MGST1: variants seen among roughly 807,000 people sequenced by gnomAD.
The protein encoded by MGST1 is microsomal glutathione S-transferase 1, also known as glutathione S-transferase 12.
In MGST1, 5 loss-of-function variants were observed where a neutral mutation model predicts 8.9. That is an observed-to-expected ratio of 0.56 (90% CI 0.29 to 1.19). The LOEUF (loss-of-function observed/expected upper bound fraction) is 1.19. Among genes scored for constraint, MGST1 ranks in the 50% most tolerant of loss-of-function variants. MGST1 has a pLI of 0.08. For synonymous variants in MGST1, 54 were observed against 67.8 expected, an observed-to-expected ratio of 0.80 and a Z score of 1.00; for missense variants, 182 against 187.4, an observed-to-expected ratio of 0.97 and a Z score of 0.17.
intron 4 of MGST1, among the ~76,000 whole-genome samples, chr12:16,456,519 T>C (rs1941173887): frequency 6.6e-6 from 1 of 151,978 alleles, no homozygotes; most frequent in Admixed American, 6.6e-5. Context: ...ACTCATGGAC[T>C]GAATTAAAAG....
At chr12:16,375,400 G>A (rs1940362027) in intron 3 of MGST1, among the ~76,000 whole-genome samples, 3 of 152,002 alleles carry the variant, frequency 2.0e-5, no homozygotes, top group Admixed American at 6.6e-5. Flanking sequence ...AAAGTAAAAA[G>A]AAACAAAGAA....
At chr12:16,453,490 A>G (rs1290597767) in intron 4 of MGST1, among the ~76,000 whole-genome samples, 3 of 151,964 alleles carry the variant, frequency 2.0e-5, no homozygotes, top group Middle Eastern at 3.2e-3. Context: ...ATATCTACAT[A>G]CATTTATATA....
Position 16,560,786 on chromosome 12 carries a change from G to A in MGST1, n.483-28742G>A, listed in dbSNP as rs183333370. 7.8e-5 allele frequency: 40 copies of A among 514,962 alleles called. No homozygotes were observed. The highest frequency in any genetic ancestry group is 3.1e-4 in the Middle Eastern group (1 of 3,180). 31.9% of individuals were successfully genotyped at this position (514,962 alleles called of 1,614,324 possible). On this transcript the variant is annotated intron_variant and non_coding_transcript_variant, in intron 4 of 4. Transcript: ENST00000538857. This position sits in a 1 kb window ranked among gnomAD's most constrained non-coding sequence, Gnocchi z 5.0. ...AAGACAAATACATTAGGAAGCTTAC[G>A]TAACTGCACATAAACAGAAGTCAAT...
At chr12:16,588,002 T>C (rs1009121535) in intron 4 of MGST1, among the ~76,000 whole-genome samples, 2 of 152,158 alleles carry the variant, frequency 1.3e-5, no homozygotes, top group African/African-American at 4.8e-5. Context: ...TACCCTGTCT[T>C]TCTCTTACGA....
chr12:16,491,305 A>C (rs1187443159), intron 4 of MGST1, among the ~76,000 whole-genome samples: 1 of 152,200 alleles, frequency 6.6e-6, no homozygotes, highest in Non-Finnish European at 1.5e-5. Context: ...GGGAGCTGGA[A>C]ATAAATGATC....
chr12:16,443,564 T>A (rs566334772), downstream of MGST1, among the ~76,000 whole-genome samples: 18 of 151,890 alleles, frequency 1.2e-4, no homozygotes, highest in Non-Finnish European at 8.8e-5. Flanking sequence ...ACAGTATACA[T>A]TAAATTAGTA....
rs1941518647 is a variant in MGST1, at chr12:16,503,472, C to G, written n.483-86056C>G. On this transcript the variant is annotated intron_variant and non_coding_transcript_variant, in intron 4 of 4. Coordinates refer to the MGST1 transcript ENST00000538857. The surrounding 1 kb of genome is among the most constrained non-coding windows in gnomAD (Gnocchi z 4.8). The stretch of plus-strand genomic sequence containing the variant: ...ACAAAGAAGACAGTCATTCTGTTGT[C>G]TTTCTTTCCCTTTAACTGCCTTTGT... Among the ~76,000 whole-genome samples the G allele has an allele frequency of 6.6e-6, 1 of 152,160 alleles. No individual in the cohort carries two copies. The highest frequency in any genetic ancestry group is 2.4e-5 in the African/African-American group (1 of 41,450).
chr12:16,379,817 A>G (rs918022693), downstream of MGST1, among the ~76,000 whole-genome samples: 3 of 152,166 alleles, frequency 2.0e-5, no homozygotes, highest in African/African-American at 7.2e-5. Flanking sequence ...TATTGCCTCA[A>G]TTTCAGAGCC....
chr12:16,487,286 C>A (rs1305943301), intron 4 of MGST1, among the ~76,000 whole-genome samples: 5 of 152,090 alleles, frequency 3.3e-5, no homozygotes, highest in Admixed American at 1.3e-4. Context: ...AAAAAACCAA[C>A]ACCAACACCA....
chr12:16,444,286 A>G (rs796559153), intron 4 of MGST1, among the ~76,000 whole-genome samples: 4 of 151,574 alleles, frequency 2.6e-5, no homozygotes, highest in African/African-American at 9.7e-5. Flanking sequence ...ACTTTATACA[A>G]AATCTTATAT....
rs1565480965 is a variant in MGST1 at position 16,555,965 on chromosome 12, A to G, written n.483-33563A>G. Among the ~76,000 whole-genome samples, 1 of 152,214 alleles carries G rather than the reference A, an allele frequency of 6.6e-6. No homozygotes were observed. Among genetic ancestry groups the G allele is most frequent in the East Asian group, 1.9e-4 (1 of 5,172 alleles). On this transcript the variant is annotated intron_variant and non_coding_transcript_variant, in intron 4 of 4. Transcript: ENST00000538857. The surrounding 1 kb of genome is among the most constrained non-coding windows in gnomAD (Gnocchi z 5.5). Reference sequence around the variant, plus strand: ...AAGGATGGCTCTCTCTTCCCTCAGTATAGCTCTATTTAGCATCGATTACAC... The same window carrying G: ...AAGGATGGCTCTCTCTTCCCTCAGTGTAGCTCTATTTAGCATCGATTACAC...
chr12:16,473,860 G>A (rs1941303820), intron 4 of MGST1, among the ~76,000 whole-genome samples: 1 of 152,024 alleles, frequency 6.6e-6, no homozygotes, highest in African/African-American at 2.4e-5. Flanking sequence ...CAGACTGGGT[G>A]ACAGAGCAAG....
rs980217682 is a variant in MGST1 at position 16,547,208 on chromosome 12, G to T, written n.483-42320G>T. Among the ~76,000 whole-genome samples the T allele has an allele frequency of 6.6e-6, 1 of 152,066 alleles. No homozygotes were observed. The highest frequency in any genetic ancestry group is 2.4e-5 in the African/African-American group (1 of 41,384). On this transcript the variant is annotated intron_variant and non_coding_transcript_variant, in intron 4 of 4. Coordinates refer to the MGST1 transcript ENST00000538857. The surrounding 1 kb of genome is among the most constrained non-coding windows in gnomAD (Gnocchi z 4.6). ...ATCACACAATTACCTACAGGCATGT[G>T]TTAAACTTGACACTGGTTTCAGCCA...
At chr12:16,518,198 A>T (rs11056973) in intron 4 of MGST1, among the ~76,000 whole-genome samples, 1 of 152,130 alleles carries the variant, frequency 6.6e-6, no homozygotes, top group Non-Finnish European at 1.5e-5. Context: ...CAACTCTGCT[A>T]TTCAGTGACA....
At chr12:16,563,563 C>A (rs1405283417) in intron 4 of MGST1, among the ~76,000 whole-genome samples, 2 of 152,024 alleles carry the variant, frequency 1.3e-5, no homozygotes. Context: ...ATTTTGAGTA[C>A]TCATAATCCT....
intron 4 of MGST1, among the ~76,000 whole-genome samples, chr12:16,531,634 A>G (rs1941724424): frequency 6.6e-6 from 1 of 152,140 alleles, no homozygotes; most frequent in Admixed American, 6.5e-5. Context: ...GAACTACTAA[A>G]TGAAACAAAA....
intron 4 of MGST1, among the ~76,000 whole-genome samples, chr12:16,498,664 C>A (rs1001388979): frequency 6.6e-6 from 1 of 152,138 alleles, no homozygotes; most frequent in Non-Finnish European, 1.5e-5. Flanking sequence ...CCTTGAAGAA[C>A]AAACATGCCA....
intron 4 of MGST1, among the ~76,000 whole-genome samples, chr12:16,524,446 G>A (rs1371059887): frequency 6.6e-6 from 1 of 151,948 alleles, no homozygotes; most frequent in Non-Finnish European, 1.5e-5. Flanking sequence ...GAGGTTCAAG[G>A]AAAATATTGA....
At chr12:16,475,794 G>T (rs1941318826) in intron 4 of MGST1, among the ~76,000 whole-genome samples, 1 of 152,056 alleles carries the variant, frequency 6.6e-6, no homozygotes, top group South Asian at 2.1e-4. Context: ...TTCCCAGGTG[G>T]CTGATGAATT....
Sources: gnomAD v4.1 joint callset for allele counts (sites outside exome capture counted in the v4.1 genomes callset) on GRCh38, gnomAD v4.1.1 for gene constraint, Gnocchi (gnomAD v3.1) non-coding constraint, MANE v1.5 for transcripts, NCBI Gene and HGNC (gene_info 2026-07-23, HGNC 2026-07-21) for gene names.